Variants in SLC25A26 observed in about 807,000 individuals in gnomAD.
SLC25A26 encodes mitochondrial S-adenosylmethionine carrier protein.
In SLC25A26, 36 loss-of-function variants were observed where a neutral mutation model predicts 37.8. The ratio of observed to expected loss-of-function variants is 0.95; its 90% CI spans 0.73 to 1.26. The LOEUF (loss-of-function observed/expected upper bound fraction) is 1.26, where lower values mean the gene tolerates loss of function less well. Among genes scored for constraint, SLC25A26 ranks in the 50% most tolerant of loss-of-function variants. The pLI, the probability that SLC25A26 is intolerant of heterozygous loss-of-function variation, is 0.00. For missense variants in SLC25A26, 390 were observed against 331.1 expected, an observed-to-expected ratio of 1.18 and a Z score of -1.38; for synonymous variants, 129 against 122.5, an observed-to-expected ratio of 1.05 and a Z score of -0.35.
chr3:66,198,172 G>A (rs1389342378), intron 1 of SLC25A26, among the ~76,000 whole-genome samples: 23 of 152,208 alleles, frequency 1.5e-4, no homozygotes, highest in Non-Finnish European at 1.5e-5. Context: ...GTCAGAGTCA[G>A]CTTCAGGATC....
intron 3 of SLC25A26, among the ~76,000 whole-genome samples, chr3:66,249,519 C>T (rs1678105): frequency 0.35 from 53,625 of 152,154 alleles, 10,002 homozygotes; most frequent in East Asian, 0.46. Flanking sequence ...TAATATCATG[C>T]TTTAAAAATG....
chr3:66,343,967 C>T (rs1047548560), intron 5 of SLC25A26, among the ~76,000 whole-genome samples: 2 of 152,114 alleles, frequency 1.3e-5, no homozygotes, highest in Non-Finnish European at 2.9e-5. Flanking sequence ...TATGGAACTT[C>T]GACATTCGGG....
chr3:66,367,084 G>T (rs111416693), intron 7 of SLC25A26, among the ~76,000 whole-genome samples: 1 of 152,256 alleles, frequency 6.6e-6, no homozygotes, highest in African/African-American at 2.4e-5. Context: ...CCGATTAAGC[G>T]TTTTCGAGTG....
chr3:66,228,624 T>C (rs2071869634), intron 1 of SLC25A26, among the ~76,000 whole-genome samples: 1 of 152,206 alleles, frequency 6.6e-6, no homozygotes, highest in Non-Finnish European at 1.5e-5. Flanking sequence ...CCTTCAGGGA[T>C]TTAGAGTCTA....
chr3:66,274,131 GA>G (rs2074050176), intron 5 of SLC25A26, among the ~76,000 whole-genome samples: 1 of 150,716 alleles, frequency 6.6e-6, no homozygotes, highest in African/African-American at 2.4e-5. Context: ...ACAAACCTGA[GA>G]AAAACAAGCA....
Position 66,378,141 on chromosome 3 carries a change from A to AT in SLC25A26, c.*335dup. On this transcript the variant is annotated 3_prime_UTR_variant, in exon 10 of 10. Coordinates refer to ENST00000354883, the MANE Select transcript of SLC25A26 (RefSeq NM_001379210.1). ...CTGATCTTTCATTTCCTGCCACCTG[A>AT]TGGTGGATTCAGCAGAAGGCAAGAT... is the stretch of plus-strand genomic sequence containing the variant. 5.0e-6 allele frequency: 1 copy of AT among 200,114 alleles called. No homozygotes were observed. Among genetic ancestry groups the AT allele is most frequent in the Non-Finnish European group, 1.0e-5 (1 of 99,176 alleles). The allele number at this position is 200,114 out of a possible 1,614,324, so 12.4% of individuals were successfully genotyped here.
chr3:66,198,666 C>T (rs2071075563), intron 1 of SLC25A26, among the ~76,000 whole-genome samples: 1 of 151,992 alleles, frequency 6.6e-6, no homozygotes, highest in Admixed American at 6.6e-5. Flanking sequence ...AACTCCGGCA[C>T]TCACTGTGAC....
chr3:66,302,588 C>A (rs1377405743), intron 5 of SLC25A26, among the ~76,000 whole-genome samples: 6 of 152,196 alleles, frequency 3.9e-5, no homozygotes, highest in Non-Finnish European at 5.9e-5. Flanking sequence ...GTTCTGCACA[C>A]TCATACTCCA....
upstream of SLC25A26, among the ~76,000 whole-genome samples, chr3:66,219,647 G>C (rs1379377894): frequency 6.6e-6 from 1 of 152,018 alleles, no homozygotes; most frequent in African/African-American, 2.4e-5. Flanking sequence ...TGTGTAGTCC[G>C]GCTAGTGGGA....
intron 7 of SLC25A26, among the ~76,000 whole-genome samples, chr3:66,367,403 AC>A (rs2076846521): frequency 6.6e-6 from 1 of 152,100 alleles, no homozygotes; most frequent in Non-Finnish European, 1.5e-5. Context: ...CAGTTTCCTC[AC>A]CTGTAGCATG....
intron 5 of SLC25A26, among the ~76,000 whole-genome samples, chr3:66,340,777 A>G (rs994612981): frequency 6.6e-6 from 1 of 151,910 alleles, no homozygotes; most frequent in African/African-American, 2.4e-5. Flanking sequence ...TATTGTCAAT[A>G]CTCCACCTTT....
Position 66,303,515 on chromosome 3 carries a change from G to T in SLC25A26, c.453+40136G>T, listed in dbSNP as rs142350143. 4.9e-3 allele frequency among the ~76,000 whole-genome samples: 741 copies of T among 152,300 alleles called. 11 individuals are homozygous for T. The highest frequency in any genetic ancestry group is 0.013 in the African/African-American group (543 of 41,554). On this transcript the variant is annotated intron_variant, in intron 5 of 9. Transcript: ENST00000354883. ...ATTAGGCTGTAAGTCAGAAAATATTGTAGGACTTCTGAAACTTTAACTGCC... is the reference window on the plus strand; with the variant it reads ...ATTAGGCTGTAAGTCAGAAAATATTTTAGGACTTCTGAAACTTTAACTGCC...
At chr3:66,361,417 G>A (rs914391529) in intron 6 of SLC25A26, among the ~76,000 whole-genome samples, 1 of 152,082 alleles carries the variant, frequency 6.6e-6, no homozygotes, top group African/African-American at 2.4e-5. Context: ...TAAAAACTTC[G>A]GTTCTTTGAA....
At chr3:66,160,677 G>T (rs901383605) in intron 1 of SLC25A26, among the ~76,000 whole-genome samples, 3 of 152,216 alleles carry the variant, frequency 2.0e-5, no homozygotes, top group Non-Finnish European at 2.9e-5. Context: ...GCTCATGCCT[G>T]TAATCCCAGC....
At chr3:66,218,032 G>C (rs920782323), upstream of SLC25A26, among the ~76,000 whole-genome samples, 1 of 152,018 alleles carries the variant, frequency 6.6e-6, no homozygotes, top group Admixed American at 6.6e-5. Flanking sequence ...CGCCTGGAAA[G>C]CATTTATATA....
rs1220737035 is a variant in SLC25A26 at position 66,378,762 on chromosome 3, G to C, written c.*955G>C. The C allele has an allele frequency of 6.6e-6, 1 of 152,430 alleles. No individual in the cohort carries two copies. Among genetic ancestry groups the C allele is most frequent in the Non-Finnish European group, 1.5e-5 (1 of 67,998 alleles). 9.4% of individuals were successfully genotyped at this position (152,430 alleles called of 1,614,324 possible). A position where few individuals can be genotyped will look rare whatever the true frequency, so the allele number is the denominator to read the frequency against. ...GGGGGAAGATAATTAAAGGCAGAAT[G>C]ACTGCGTTTGTAAAAGAAGGACCAC... On this transcript the variant is annotated 3_prime_UTR_variant, in exon 10 of 10. Coordinates refer to ENST00000354883, the MANE Select transcript of SLC25A26 (RefSeq NM_001379210.1).
intron 1 of SLC25A26, among the ~76,000 whole-genome samples, chr3:66,150,523 T>TGA (rs1170688176): frequency 3.3e-5 from 2 of 61,410 alleles, no homozygotes; most frequent in African/African-American, 1.6e-4. Flanking sequence ...ATATATATAA[T>TGA]GATATATATA....
intron 1 of SLC25A26, among the ~76,000 whole-genome samples, chr3:66,230,038 G>C (rs141021667): frequency 6.6e-6 from 1 of 152,330 alleles, no homozygotes; most frequent in Non-Finnish European, 1.5e-5. Context: ...TGCTGTGGCA[G>C]ACCAGAACAG....
intron 1 of SLC25A26, among the ~76,000 whole-genome samples, chr3:66,207,924 G>A (rs2071201924): frequency 6.6e-6 from 1 of 152,168 alleles, no homozygotes; most frequent in Admixed American, 6.6e-5. Flanking sequence ...GATAGAGGTA[G>A]CATTCTTGTG....
Sources: gnomAD v4.1 joint callset for allele counts (sites outside exome capture counted in the v4.1 genomes callset) on GRCh38, gnomAD v4.1.1 for gene constraint, MANE v1.5 for transcripts, NCBI Gene and HGNC (gene_info 2026-07-23, HGNC 2026-07-21) for gene names.